The following N4BP2L1 variants were observed in gnomAD, a reference collection of about 807,000 sequenced individuals.
The protein encoded by N4BP2L1 is NEDD4 binding protein 2 like 1.
Under a neutral mutation model 21.2 loss-of-function variants are expected in N4BP2L1, and 12 were observed. The ratio of observed to expected loss-of-function variants is 0.57; its 90% CI spans 0.36 to 0.92. N4BP2L1 has a LOEUF of 0.92. Ranked by LOEUF, N4BP2L1 falls within the 40% of genes least tolerant of loss-of-function variation. The pLI, the probability that N4BP2L1 is intolerant of heterozygous loss-of-function variation, is 0.01. For synonymous variants in N4BP2L1, 104 were observed against 112.8 expected, an observed-to-expected ratio of 0.92 and a Z score of 0.49; for missense variants, 259 against 310.6, an observed-to-expected ratio of 0.83 and a Z score of 1.25.
intron 1 of N4BP2L1, among the ~76,000 whole-genome samples, chr13:32,412,962 C>T (rs879734878): frequency 1.3e-5 from 2 of 152,124 alleles, no homozygotes; most frequent in African/African-American, 2.4e-5. Context: ...CCCACTCTGT[C>T]GCCCAGGCTG....
intron 4 of N4BP2L1, chr13:32,404,106 A>G: frequency 1.3e-6 from 2 of 1,549,140 alleles, no homozygotes; most frequent in East Asian, 2.3e-5. Context: ...GACCAAGTCC[A>G]AGCCAAGATT....
intron 1 of N4BP2L1, among the ~76,000 whole-genome samples, chr13:32,414,123 C>A (rs576471235): frequency 5.9e-5 from 9 of 152,298 alleles, no homozygotes; most frequent in African/African-American, 2.2e-4. Flanking sequence ...CTCAGGTGAT[C>A]CACCCGCCTA....
At chr13:32,410,109 ACTT>A in intron 1 of N4BP2L1, among the ~76,000 whole-genome samples, 1 of 152,306 alleles carries the variant, frequency 6.6e-6, no homozygotes, top group Admixed American at 6.5e-5. Flanking sequence ...GCGGGAATGA[ACTT>A]CTTTTGTGTT....
chr13:32,426,041 T>G (rs1265827175), intron 1 of N4BP2L1: 5 of 152,168 alleles, frequency 3.3e-5, no homozygotes, highest in Non-Finnish European at 7.3e-5. Context: ...ATTAAAATCC[T>G]AAAAGTGCAG....
At chr13:32,428,232 C>T (rs2074912568), upstream of N4BP2L1, 2 of 719,726 alleles carry the variant, frequency 2.8e-6, no homozygotes, top group Non-Finnish European at 2.0e-6. Flanking sequence ...CCGCCGGAAC[C>T]GTGCTGCGTG....
intron 3 of N4BP2L1, chr13:32,406,937 CG>C (rs2073548990): frequency 5.5e-6 from 2 of 365,510 alleles, no homozygotes; most frequent in Admixed American, 4.1e-5. Context: ...CTGAACATTT[CG>C]GTGGGTGCTT....
rs186217233 is a variant in N4BP2L1 at position 32,407,358 on chromosome 13, A to G, written c.308-20T>C. On this transcript the variant is annotated intron_variant, in intron 2 of 4. Coordinates refer to ENST00000380130, the MANE Select transcript of N4BP2L1 (RefSeq NM_052818.3). The stretch of plus-strand genomic sequence containing the variant: ...TTCTTGCTGCAACACAATGTTACAT[A>G]ACAGTGAACAACATGCAACAATCAG... The G allele has an allele frequency of 4.8e-5, 77 of 1,614,108 alleles. No individual in the cohort carries two copies. The East Asian group carries it at 8.0e-4, about 17-fold the overall frequency.
intron 1 of N4BP2L1, among the ~76,000 whole-genome samples, chr13:32,418,917 A>G (rs576483556): frequency 6.6e-6 from 1 of 152,300 alleles, no homozygotes; most frequent in South Asian, 2.1e-4. Flanking sequence ...TCTAGGAAGT[A>G]ACCAACTTGC....
At chr13:32,407,067 A>C in intron 3 of N4BP2L1, 183 bp downstream of exon 3, 1 of 613,308 alleles carries the variant, frequency 1.6e-6, no homozygotes, top group African/African-American at 1.8e-5. Flanking sequence ...TTAGCATCTC[A>C]GCAAACTTCA....
intron 1 of N4BP2L1, among the ~76,000 whole-genome samples, chr13:32,420,881 G>C (rs573685444): frequency 2.0e-5 from 3 of 151,788 alleles, no homozygotes; most frequent in Admixed American, 6.6e-5. Flanking sequence ...TTTTAGTAGA[G>C]ACGGGGTTTC....
intron 1 of N4BP2L1, among the ~76,000 whole-genome samples, chr13:32,410,399 T>C (rs1399205763): frequency 6.6e-6 from 1 of 152,222 alleles, no homozygotes; most frequent in Non-Finnish European, 1.5e-5. Flanking sequence ...GTCACTTTGC[T>C]GGCCCACATT....
At chr13:32,427,312 G>A (rs1286427079) in intron 1 of N4BP2L1, among the ~76,000 whole-genome samples, 1 of 152,228 alleles carries the variant, frequency 6.6e-6, no homozygotes, top group Non-Finnish European at 1.5e-5. Flanking sequence ...TTTTCAAAGC[G>A]GGCTGCCAGC....
intron 1 of N4BP2L1, among the ~76,000 whole-genome samples, chr13:32,422,278 G>A (rs374210307): frequency 6.6e-6 from 1 of 151,782 alleles, no homozygotes; most frequent in African/African-American, 2.4e-5. Context: ...TTCATTATAC[G>A]ACAGATCAAA....
chr13:32,422,517 T>C (rs780242211), intron 1 of N4BP2L1, among the ~76,000 whole-genome samples: 7 of 152,204 alleles, frequency 4.6e-5, no homozygotes, highest in Non-Finnish European at 8.8e-5. Context: ...CCTTCATCCA[T>C]TTCTACTTCC....
chr13:32,406,198 C>T (rs903536094), intron 3 of N4BP2L1, among the ~76,000 whole-genome samples: 9 of 151,972 alleles, frequency 5.9e-5, no homozygotes, highest in African/African-American at 2.2e-4. Context: ...CATGAGCCAC[C>T]GCACCCGGCC....
intron 3 of N4BP2L1, among the ~76,000 whole-genome samples, chr13:32,405,459 G>C (rs1159596606): frequency 1.3e-5 from 2 of 152,286 alleles, no homozygotes; most frequent in East Asian, 3.9e-4. Context: ...GCAGTGAGCT[G>C]AGATCGTGCC....
In N4BP2L1 at chr13:32,428,012, C is replaced by T; in HGVS notation, c.71G>A (p.Arg24Gln). The T allele has an allele frequency of 4.5e-6, 7 of 1,559,542 alleles. No individual in the cohort carries two copies. Among genetic ancestry groups the T allele is most frequent in the Non-Finnish European group, 6.1e-6 (7 of 1,155,542 alleles). The change falls in exon 1 of 5, where the codon CGG (arginine) becomes CAG (glutamine). Residue 24 changes from arginine to glutamine, a missense_variant. This residue lies in a region of N4BP2L1 where 60 missense variants were observed against 54.7 expected (regional missense o/e 1.10). Coordinates refer to ENST00000380130, the MANE Select transcript of N4BP2L1 (RefSeq NM_052818.3). ...LQPQQQQQRQ[R>Q]PPRPPPRGTP... Reference sequence around the variant, plus strand: ...CCCCCGCGGGGGCGGCCGGGGCGGCCGCTGCCGCTGCTGCTGCTGCTGGGG... The same window carrying T: ...CCCCCGCGGGGGCGGCCGGGGCGGCTGCTGCCGCTGCTGCTGCTGCTGGGG...
intron 4 of N4BP2L1, chr13:32,403,899 A>G: frequency 2.1e-6 from 1 of 485,274 alleles, no homozygotes; most frequent in Non-Finnish European, 3.8e-6. Context: ...AGTTAGTATT[A>G]TTTGAACATT....
intron 3 of N4BP2L1, chr13:32,406,896 G>A (rs891166382): frequency 1.3e-5 from 3 of 235,074 alleles, no homozygotes; most frequent in South Asian, 6.2e-5. Flanking sequence ...GCTCCACTAC[G>A]AGCGCCATCT....
Sources: gnomAD v4.1 joint callset for allele counts (sites outside exome capture counted in the v4.1 genomes callset) on GRCh38, gnomAD v4.1.1 for gene constraint, gnomAD v4.1.1 regional missense constraint, MANE v1.5 for transcripts, NCBI Gene and HGNC (gene_info 2026-07-23, HGNC 2026-07-21) for gene names.